The following POLN variants were observed in gnomAD, a reference collection of about 807,000 sequenced individuals.
The protein encoded by POLN is DNA polymerase N.
Under a neutral mutation model 113.5 loss-of-function variants are expected in POLN, and 108 were observed. That is an observed-to-expected ratio of 0.95 (90% CI 0.81 to 1.12). The LOEUF (loss-of-function observed/expected upper bound fraction) is 1.12. POLN is among the 50% of genes most tolerant of loss of function. The pLI is 0.00. For synonymous variants in POLN, 386 were observed against 391.5 expected (o/e 0.99, Z 0.17); for missense variants, 1,097 against 1,077.1 (o/e 1.02, Z -0.26).
At chr4:2,081,548 GATCGGTGGGTGCCACCC>G in intron 22 of POLN, 68 bp downstream of exon 22, 4 of 1,290,530 alleles carry the variant, frequency 3.1e-6, no homozygotes, top group Non-Finnish European at 3.3e-6. Flanking sequence ...CCGCAACAGT[GATCGGTGGGTGCCACCC>G]AGCCCTGCGG....
At position 2,093,632 on chromosome 4, in the gene POLN, C is replaced by T. The variant is rs1259485108; in HGVS notation, c.2065+2219G>A. ...GCAGCAGGATGCAAGGCAACAAACT[C>T]TCATATAATTTGGCAGAGTGATGCC... On this transcript the variant is annotated intron_variant, in intron 20 of 25. Transcript: ENST00000511885. The surrounding 1 kb of genome is among the most constrained non-coding windows in gnomAD (Gnocchi z 4.1). Among the ~76,000 whole-genome samples the T allele has an allele frequency of 6.6e-6, 1 of 152,118 alleles. No individual in the cohort carries two copies. The highest frequency in any genetic ancestry group is 1.5e-5 in the Non-Finnish European group (1 of 68,014).
chr4:2,170,852 G>T, intron 12 of POLN, 78 bp from the exon 13 acceptor site: 1 of 1,291,912 alleles, frequency 7.7e-7, no homozygotes, highest in Non-Finnish European at 1.1e-6. Context: ...CAGAGCCCAT[G>T]CCAACAGCCA....
intron 16 of POLN, among the ~76,000 whole-genome samples, chr4:2,135,788 G>A (rs764745828): frequency 2.0e-5 from 3 of 152,204 alleles, no homozygotes; most frequent in East Asian, 3.9e-4. Flanking sequence ...TGAGAGCATC[G>A]AAGTCAGACA....
chr4:2,236,420 T>G lies in POLN; in HGVS notation c.-13+5100A>C. 6.2e-7 allele frequency: 1 copy of G among 1,613,182 alleles called. No individual in the cohort carries two copies. Among genetic ancestry groups the G allele is most frequent in the Non-Finnish European group, 8.5e-7 (1 of 1,179,358 alleles). On this transcript the variant is annotated intron_variant, in intron 2 of 25. Coordinates refer to ENST00000511885, the MANE Select transcript of POLN (RefSeq NM_181808.4). ...GGTTTCCATGAGTTAGAAACAATTC[T>G]TTTTTCTTATTCTCTCCCTCCAAAA... is the stretch of plus-strand genomic sequence containing the variant.
At chr4:2,132,513 A>G (rs1731751620) in intron 16 of POLN, among the ~76,000 whole-genome samples, 1 of 152,214 alleles carries the variant, frequency 6.6e-6, no homozygotes, top group African/African-American at 2.4e-5. Context: ...AATATGGTAA[A>G]TTAAAAGATA....
At chr4:2,225,972 G>C (rs1053421386) in intron 3 of POLN, among the ~76,000 whole-genome samples, 1 of 151,886 alleles carries the variant, frequency 6.6e-6, no homozygotes, top group Non-Finnish European at 1.5e-5. Context: ...CTGGGCGACA[G>C]AGCAAGACCC....
chr4:2,166,404 C>T (rs913551190), intron 13 of POLN, among the ~76,000 whole-genome samples: 16 of 152,188 alleles, frequency 1.1e-4, no homozygotes, highest in African/African-American at 3.6e-4. Context: ...TGTCACTCTC[C>T]CTGTTATTAC....
rs1171989217 is a variant in POLN at position 2,229,236 on chromosome 4, A to C, written c.-5T>G. ...CAATGCCTCATAATTTTCCATTTTC[A>C]CAAAATCCTAAATGTAAGATTAACA... On this transcript the variant is annotated 5_prime_UTR_variant, in exon 3 of 26. Transcript: ENST00000511885. 2 of 1,591,820 alleles carry C rather than the reference A, an allele frequency of 1.3e-6. No individual in the cohort carries two copies. The highest frequency in any genetic ancestry group is 3.6e-5 in the Admixed American group (2 of 55,732).
intron 2 of POLN, chr4:2,240,913 T>C: frequency 6.3e-7 from 1 of 1,598,166 alleles, no homozygotes; most frequent in Non-Finnish European, 8.5e-7. Context: ...CCAATTTTTT[T>C]TAATGTTTCC....
chr4:2,180,197 T>C (rs28568645), intron 7 of POLN, among the ~76,000 whole-genome samples: 37,520 of 152,108 alleles, frequency 0.25, 7,147 homozygotes, highest in African/African-American at 0.52. Context: ...TAATTATGTG[T>C]GATATACATG....
chr4:2,104,752 T>C (rs145440873), intron 19 of POLN, among the ~76,000 whole-genome samples: 9 of 152,298 alleles, frequency 5.9e-5, no homozygotes, highest in Admixed American at 3.3e-4. Flanking sequence ...ACGTGAAACA[T>C]GACAGCTGTA....
At chr4:2,238,936 C>G in intron 2 of POLN, 1 of 1,609,168 alleles carries the variant, frequency 6.2e-7, no homozygotes, top group Non-Finnish European at 8.5e-7. Flanking sequence ...TCTCTCTTAC[C>G]ACAGCAGGTA....
chr4:2,168,398 C>T (rs1732781157), intron 13 of POLN, among the ~76,000 whole-genome samples: 1 of 152,250 alleles, frequency 6.6e-6, no homozygotes, highest in Admixed American at 6.5e-5. Context: ...AATTTGGCCA[C>T]ATACCTGGCA....
chr4:2,154,725 T>C (rs950558894), intron 16 of POLN, among the ~76,000 whole-genome samples: 2 of 152,242 alleles, frequency 1.3e-5, no homozygotes, highest in African/African-American at 4.8e-5. Flanking sequence ...GAAGTTTGTA[T>C]GGTATTGCTA....
chr4:2,072,377 A>T (rs1730168796), intron 25 of POLN, 78 bp from the exon 26 acceptor site: 1 of 1,223,336 alleles, frequency 8.2e-7, no homozygotes, highest in Non-Finnish European at 1.1e-6. Flanking sequence ...AAGCAGGGGG[A>T]CAGGGCCTAC....
chr4:2,239,594 T>C (rs1395670978), intron 2 of POLN, among the ~76,000 whole-genome samples: 2 of 152,186 alleles, frequency 1.3e-5, no homozygotes, highest in Non-Finnish European at 2.9e-5. Context: ...AATACATCTA[T>C]CCATATATTC....
chr4:2,077,586 C>G (rs1159407803), intron 23 of POLN, among the ~76,000 whole-genome samples: 3 of 152,252 alleles, frequency 2.0e-5, no homozygotes, highest in Non-Finnish European at 4.4e-5. Context: ...ACTTCAAGGC[C>G]TCAGGCAGAA....
chr4:2,106,123 CTG>C (rs1373946965), intron 19 of POLN, among the ~76,000 whole-genome samples: 1 of 151,826 alleles, frequency 6.6e-6, no homozygotes, highest in Non-Finnish European at 1.5e-5. Flanking sequence ...ATTCCAGAGT[CTG>C]TCTTTAAAAT....
intron 2 of POLN, among the ~76,000 whole-genome samples, chr4:2,235,944 A>T (rs28430556): frequency 0.17 from 25,328 of 152,168 alleles, 3,617 homozygotes; most frequent in African/African-American, 0.37. Context: ...GAGTGAAAAA[A>T]AAATACAGAG....
Sources: allele counts gnomAD v4.1 joint callset (sites outside exome capture counted in the v4.1 genomes callset), GRCh38; gene constraint gnomAD v4.1.1; non-coding constraint Gnocchi (gnomAD v3.1); transcripts MANE v1.5; gene names NCBI Gene and HGNC (gene_info 2026-07-23, HGNC 2026-07-21).